The following BLK variants were observed in gnomAD, a reference collection of about 807,000 sequenced individuals.
BLK encodes BLK proto-oncogene, Src family tyrosine kinase, also known as tyrosine-protein kinase Blk.
A neutral mutation model predicts 61.8 loss-of-function variants in BLK; 64 were observed. The ratio of observed to expected loss-of-function variants is 1.03; its 90% confidence interval spans 0.85 to 1.27. The LOEUF (loss-of-function observed/expected upper bound fraction) is 1.27. BLK is among the 50% of genes most tolerant of loss of function. The pLI is 0.00. For synonymous variants in BLK, 351 were observed against 272.0 expected (o/e 1.29, Z -2.86); for missense variants, 853 against 660.5 (o/e 1.29, Z -3.19).
intron 1 of BLK, among the ~76,000 whole-genome samples, chr8:11,512,730 C>A (rs972682485): frequency 6.6e-6 from 1 of 152,182 alleles, no homozygotes; most frequent in Non-Finnish European, 1.5e-5. Context: ...GTGGCACAAT[C>A]TCGGCTCACC....
At chr8:11,510,477 G>A (rs191629871) in intron 1 of BLK, among the ~76,000 whole-genome samples, 3 of 152,200 alleles carry the variant, frequency 2.0e-5, no homozygotes, top group East Asian at 1.9e-4. Context: ...GGGCTTTGTC[G>A]GGGGAGAGGT....
At chr8:11,517,022 G>T (rs1799257057) in intron 1 of BLK, among the ~76,000 whole-genome samples, 1 of 152,236 alleles carries the variant, frequency 6.6e-6, no homozygotes, top group African/African-American at 2.4e-5. Context: ...ATTTTACTCT[G>T]AATGAGAGGG....
chr8:11,515,274 G>A (rs552486974), intron 1 of BLK, among the ~76,000 whole-genome samples: 9 of 152,140 alleles, frequency 5.9e-5, no homozygotes, highest in Non-Finnish European at 1.2e-4. Flanking sequence ...TGCCACTCCC[G>A]GCTGAGGGAC....
At position 11,527,201 on chromosome 8, in the gene BLK, C is replaced by T. The variant is rs866958419; in HGVS notation, c.-1-16023C>T. Among the ~76,000 whole-genome samples the T allele has an allele frequency of 2.6e-5, 4 of 152,284 alleles. No homozygotes were observed. The South Asian group carries it at 8.3e-4, about 32-fold the overall frequency. On this transcript the variant is annotated intron_variant, in intron 1 of 12. Transcript: ENST00000259089. ...TCAACACACCAAAGACTATACAAAACTCCATACCCTTCAATGGCTTGCAAT... is the reference window on the plus strand; with the variant it reads ...TCAACACACCAAAGACTATACAAAATTCCATACCCTTCAATGGCTTGCAAT...
chr8:11,533,596 G>GAGC (rs1363558301), intron 1 of BLK, among the ~76,000 whole-genome samples: 1 of 139,688 alleles, frequency 7.2e-6, no homozygotes, highest in Non-Finnish European at 1.6e-5. Flanking sequence ...GGAGGAGGAG[G>GAGC]AGGAGGAGAA....
chr8:11,556,456 C>T, intron 8 of BLK: 1 of 650,690 alleles, frequency 1.5e-6, no homozygotes, highest in Non-Finnish European at 2.7e-6. Flanking sequence ...AGGGTACATT[C>T]CTCCACTGCC....
Position 11,549,054 on chromosome 8 carries a change from C to T in BLK, c.300C>T (p.Leu100=), listed in dbSNP as rs745823355. 45 of 1,610,970 alleles carry T rather than the reference C, an allele frequency of 2.8e-5. No individual in the cohort carries two copies. The highest frequency in any genetic ancestry group is 1.1e-4 in the African/African-American group (8 of 74,884). Residue 100 remains leucine, a synonymous_variant, in exon 5 of 13, where the codon CTC becomes CTT. Transcript: ENST00000259089. ...GAGACTGGTGGCTGGCCAGGTCACT[C>T]GTCACAGGAAGAGAAGGCTATGTGC... is the stretch of plus-strand genomic sequence containing the variant. ...GTGDWWLARS[L]VTGREGYVPS...
chr8:11,504,805 A>C (rs1190947007), intron 1 of BLK, among the ~76,000 whole-genome samples: 1 of 152,230 alleles, frequency 6.6e-6, no homozygotes, highest in Non-Finnish European at 1.5e-5. Flanking sequence ...GCTCTCCAGC[A>C]TGTGGTGTTT....
intron 1 of BLK, among the ~76,000 whole-genome samples, chr8:11,524,616 T>C (rs887521920): frequency 2.0e-5 from 3 of 152,202 alleles, no homozygotes; most frequent in Non-Finnish European, 2.9e-5. Context: ...GGAATCCCAC[T>C]TGTGGGATTT....
At chr8:11,557,830 T>A in intron 9 of BLK, 132 bp from the exon 10 acceptor site, 2 of 745,412 alleles carry the variant, frequency 2.7e-6, no homozygotes. Flanking sequence ...TCCTTCCTGA[T>A]GCACCGAGAG....
At chr8:11,559,290 T>TAC (rs985559799) in intron 10 of BLK, among the ~76,000 whole-genome samples, 1 of 150,934 alleles carries the variant, frequency 6.6e-6, no homozygotes, top group Non-Finnish European at 1.5e-5. Context: ...AGCACACATG[T>TAC]ACACACACAC....
intron 1 of BLK, among the ~76,000 whole-genome samples, chr8:11,542,074 G>A (rs1313365388): frequency 6.6e-6 from 1 of 152,118 alleles, no homozygotes; most frequent in Non-Finnish European, 1.5e-5. Context: ...TTTCAAGGTG[G>A]GTTTGAGGAG....
rs1489466600 is a variant in BLK, at chr8:11,503,084, T to A, written c.-2+8493T>A. Among the ~76,000 whole-genome samples, 3 of 152,322 alleles carry A rather than the reference T, an allele frequency of 2.0e-5. No individual in the cohort carries two copies. In the East Asian group the frequency reaches 5.8e-4, roughly 29 times the overall value. On this transcript the variant is annotated intron_variant, in intron 1 of 12. Transcript: ENST00000259089. ...TTGCACAGATTGATACCTGGGATGC[T>A]GAGCCAGGACCAGAGGGAGGTAAAG...
At chr8:11,551,344 T>C (rs1347373677) in intron 6 of BLK, among the ~76,000 whole-genome samples, 1 of 152,230 alleles carries the variant, frequency 6.6e-6, no homozygotes, top group Non-Finnish European at 1.5e-5. Flanking sequence ...GGCTTGCCGA[T>C]GGCCGTCTTC....
At position 11,550,146 on chromosome 8, in the gene BLK, T is replaced by A. The variant is rs1800835298; in HGVS notation, c.369-13T>A. 6.2e-7 allele frequency: 1 copy of A among 1,612,476 alleles called. No individual in the cohort carries two copies. The highest frequency in any genetic ancestry group is 8.5e-7 in the Non-Finnish European group (1 of 1,178,758). Reference sequence around the variant, plus strand: ...GGTCGCTCTGAGTTTCACCTGTTCCTGCCGTTTTCCAGGTGGTTCTTTAGA... The same window carrying A: ...GGTCGCTCTGAGTTTCACCTGTTCCAGCCGTTTTCCAGGTGGTTCTTTAGA... On this transcript the variant is annotated splice_polypyrimidine_tract_variant and intron_variant, in intron 5 of 12. Coordinates refer to ENST00000259089, the MANE Select transcript of BLK (RefSeq NM_001715.3).
intron 1 of BLK, among the ~76,000 whole-genome samples, chr8:11,534,786 C>A (rs1438044317): frequency 6.6e-6 from 1 of 152,150 alleles, no homozygotes; most frequent in African/African-American, 2.4e-5. Context: ...TGCCCAAGGC[C>A]CTTACACACC....
At chr8:11,497,634 A>G (rs1798407298) in intron 1 of BLK, among the ~76,000 whole-genome samples, 1 of 152,256 alleles carries the variant, frequency 6.6e-6, no homozygotes, top group Non-Finnish European at 1.5e-5. Context: ...CTTGAGTTAA[A>G]GACACAAGGG....
At chr8:11,548,991 T>G in intron 4 of BLK, 33 bp from the exon 5 acceptor site, 1 of 1,570,724 alleles carries the variant, frequency 6.4e-7, no homozygotes, top group Non-Finnish European at 8.7e-7. Flanking sequence ...ACAGGGGCCA[T>G]GATCTCATCT....
intron 3 of BLK, 96 bp from the exon 4 acceptor site, chr8:11,547,936 G>A: frequency 9.5e-7 from 1 of 1,055,674 alleles, no homozygotes; most frequent in Non-Finnish European, 1.5e-6. Context: ...TCGTGGGCAA[G>A]CAGAAGCCTG....
Sources: gnomAD v4.1 joint callset for allele counts (sites outside exome capture counted in the v4.1 genomes callset) on GRCh38, gnomAD v4.1.1 for gene constraint, MANE v1.5 for transcripts, NCBI Gene and HGNC (gene_info 2026-07-23, HGNC 2026-07-21) for gene names.